ADGRB3: variants seen among roughly 807,000 people sequenced by gnomAD.
ADGRB3 encodes the protein brain-specific angiogenesis inhibitor 3.
Under a neutral mutation model 193.4 loss-of-function variants are expected in ADGRB3, and 37 were observed. The observed-to-expected ratio is 0.19, with a 90% CI of 0.15 to 0.25. The LOEUF (loss-of-function observed/expected upper bound fraction) is 0.25. Ranked by LOEUF, ADGRB3 falls within the 10% of genes least tolerant of loss-of-function variation. The pLI is 1.00. For synonymous variants in ADGRB3, 690 were observed against 644.2 expected (o/e 1.07, Z -1.08); for missense variants, 1,637 against 1,852.9 (o/e 0.88, Z 2.14).
At chr6:68,760,494 C>T (rs1263289890) in intron 3 of ADGRB3, among the ~76,000 whole-genome samples, 4 of 152,098 alleles carry the variant, frequency 2.6e-5, no homozygotes, top group African/African-American at 9.7e-5. Flanking sequence ...TGACCAGAAC[C>T]AAAGAAAATG....
intron 16 of ADGRB3, among the ~76,000 whole-genome samples, chr6:69,073,563 T>G (rs1430026760): frequency 6.6e-6 from 1 of 152,140 alleles, no homozygotes; most frequent in Non-Finnish European, 1.5e-5. Flanking sequence ...GGCTTCCCCC[T>G]GGCAGACTGA....
intron 3 of ADGRB3, among the ~76,000 whole-genome samples, chr6:68,846,221 C>T (rs1409502024): frequency 1.3e-5 from 2 of 152,118 alleles, no homozygotes; most frequent in Non-Finnish European, 2.9e-5. Flanking sequence ...CAAGAGGTGA[C>T]TTGGGTACTG....
intron 3 of ADGRB3, among the ~76,000 whole-genome samples, chr6:68,712,863 T>A (rs1250980028): frequency 6.6e-6 from 1 of 151,940 alleles, no homozygotes; most frequent in African/African-American, 2.4e-5. Context: ...TTTGCTTTCT[T>A]AAAAATAAAC....
chr6:69,239,284 G>A (rs1766336526), intron 20 of ADGRB3, 58 bp downstream of exon 20: 1 of 1,184,686 alleles, frequency 8.4e-7, no homozygotes, highest in Non-Finnish European at 1.2e-6. Flanking sequence ...CATATTGTTA[G>A]TTATTGATAA....
chr6:68,959,389 C>T (rs1768171730), intron 8 of ADGRB3, among the ~76,000 whole-genome samples: 1 of 152,026 alleles, frequency 6.6e-6, no homozygotes, highest in African/African-American at 2.4e-5. Context: ...TATGCTTTTT[C>T]TAGTATTATT....
chr6:68,891,673 CA>C (rs1433010888), intron 3 of ADGRB3, among the ~76,000 whole-genome samples: 3 of 152,060 alleles, frequency 2.0e-5, no homozygotes, highest in Admixed American at 6.6e-5. Context: ...ATGAGGAAAA[CA>C]AAACACTTAT....
chr6:68,691,676 A>T (rs1468149186), intron 3 of ADGRB3, among the ~76,000 whole-genome samples: 3 of 151,858 alleles, frequency 2.0e-5, no homozygotes, highest in African/African-American at 7.2e-5. Context: ...CTTAAAATAA[A>T]TTTTTTCAGT....
At chr6:68,875,272 C>T (rs1406204996) in intron 3 of ADGRB3, among the ~76,000 whole-genome samples, 2 of 132,420 alleles carry the variant, frequency 1.5e-5, no homozygotes, top group African/African-American at 2.8e-5. Flanking sequence ...CCCTTCCCCT[C>T]CCCTCCCCTT....
At chr6:69,042,346 C>A (rs1234415847) in intron 13 of ADGRB3, among the ~76,000 whole-genome samples, 1 of 152,144 alleles carries the variant, frequency 6.6e-6, no homozygotes, top group Non-Finnish European at 1.5e-5. Flanking sequence ...GGAACAGTGC[C>A]TAGCACAGAG....
intron 20 of ADGRB3, among the ~76,000 whole-genome samples, chr6:69,282,178 C>T (rs974274283): frequency 5.9e-5 from 9 of 152,112 alleles, no homozygotes; most frequent in Non-Finnish European, 1.3e-4. Context: ...AATCATTTGG[C>T]AAATAAAATG....
chr6:68,849,273 C>A (rs1768349665), intron 3 of ADGRB3, among the ~76,000 whole-genome samples: 1 of 151,508 alleles, frequency 6.6e-6, no homozygotes, highest in African/African-American at 2.4e-5. Flanking sequence ...GAAGGGTTTG[C>A]AGTAAAGTCT....
intron 3 of ADGRB3, among the ~76,000 whole-genome samples, chr6:68,907,358 T>C (rs926946684): frequency 1.3e-5 from 2 of 151,970 alleles, no homozygotes; most frequent in South Asian, 4.1e-4. Context: ...TGTTTCTTTT[T>C]TCATTGTTTG....
rs187867179 is a variant in ADGRB3, at chr6:68,863,127, T to C, written c.758-67432T>C. Among the ~76,000 whole-genome samples the C allele has an allele frequency of 2.2e-3, 339 of 152,300 alleles. 2 individuals carry two copies. Among genetic ancestry groups the C allele is most frequent in the African/African-American group, 7.6e-3 (317 of 41,586 alleles). ...ATTTCAGTCCCAAAGTGTTTGCCACTTATCTAAATGTTCTCATAAGACATT... is the reference window on the plus strand; with the variant it reads ...ATTTCAGTCCCAAAGTGTTTGCCACCTATCTAAATGTTCTCATAAGACATT... On this transcript the variant is annotated intron_variant, in intron 3 of 31. Coordinates refer to ENST00000370598, the MANE Select transcript of ADGRB3 (RefSeq NM_001704.3).
At chr6:69,346,084 G>A (rs1348925605) in intron 26 of ADGRB3, among the ~76,000 whole-genome samples, 1 of 152,056 alleles carries the variant, frequency 6.6e-6, no homozygotes, top group African/African-American at 2.4e-5. Context: ...CACTGCTCAA[G>A]GAAATAAGAG....
intron 3 of ADGRB3, among the ~76,000 whole-genome samples, chr6:68,803,401 T>G (rs1012194865): frequency 6.6e-6 from 1 of 152,142 alleles, no homozygotes; most frequent in Non-Finnish European, 1.5e-5. Context: ...TACCTATAAT[T>G]CAACAGGCTC....
chr6:69,066,808 A>G (rs1460203692), intron 16 of ADGRB3, among the ~76,000 whole-genome samples: 3 of 152,058 alleles, frequency 2.0e-5, no homozygotes, highest in South Asian at 4.1e-4. Flanking sequence ...ATACTCATCA[A>G]ATTTTTAGAT....
At chr6:68,967,893 AG>A (rs1225700219) in intron 8 of ADGRB3, among the ~76,000 whole-genome samples, 1 of 151,764 alleles carries the variant, frequency 6.6e-6, no homozygotes, top group African/African-American at 2.4e-5. Context: ...GACATGTTTG[AG>A]GGGGAGGAAG....
chr6:69,171,138 T>A, intron 17 of ADGRB3, among the ~76,000 whole-genome samples: 1 of 109,410 alleles, frequency 9.1e-6, no homozygotes, highest in East Asian at 7.6e-4. Flanking sequence ...ACTTACATTC[T>A]CTTTTTCATA....
At chr6:69,317,309 G>A (rs1053174666) in intron 20 of ADGRB3, among the ~76,000 whole-genome samples, 32 of 151,384 alleles carry the variant, frequency 2.1e-4, no homozygotes, top group Non-Finnish European at 4.6e-4. Flanking sequence ...GAAAGTAGAG[G>A]TGAAGGAGAA....
Sources: gnomAD v4.1 joint callset for allele counts (sites outside exome capture counted in the v4.1 genomes callset) on GRCh38, gnomAD v4.1.1 for gene constraint, MANE v1.5 for transcripts, NCBI Gene and HGNC (gene_info 2026-07-23, HGNC 2026-07-21) for gene names.